Variants in EIF3H observed in about 807,000 individuals in gnomAD.
EIF3H encodes eIF-3-gamma.
EIF3H carries 26 observed loss-of-function variants against 44.2 expected under a neutral mutation model. The ratio of observed to expected loss-of-function variants is 0.59; its 90% CI spans 0.43 to 0.82. The LOEUF is 0.82. Among genes scored for constraint, EIF3H ranks in the 40% least tolerant of loss-of-function variants. The pLI is 0.00. For synonymous variants in EIF3H, 166 were observed against 151.9 expected, an observed-to-expected ratio of 1.09 and a Z score of -0.68; for missense variants, 359 against 432.8, an observed-to-expected ratio of 0.83 and a Z score of 1.51.
chr8:116,728,173 G>T (rs1814884435), intron 1 of EIF3H, among the ~76,000 whole-genome samples: 1 of 152,146 alleles, frequency 6.6e-6, no homozygotes, highest in South Asian at 2.1e-4. Flanking sequence ...CTAATGACCA[G>T]TTAATAACAG....
intron 2 of EIF3H, among the ~76,000 whole-genome samples, chr8:116,669,388 C>T (rs1040500074): frequency 6.6e-6 from 1 of 152,188 alleles, no homozygotes. Context: ...CTTCCTGCCC[C>T]TATCCCCAAC....
In EIF3H at chr8:116,741,174, A is replaced by C. The variant is rs916244562; in HGVS notation, c.132+14492T>G. Among the ~76,000 whole-genome samples, 11 of 152,268 alleles carry C rather than the reference A, an allele frequency of 7.2e-5. No individual in the cohort carries two copies. The East Asian group carries it at 2.1e-3, about 29-fold the overall frequency. ...ATCTATCCATCTGTCCATCCAAGGA[A>C]TATTTAGTGACTAAAATATGCCTAG... On this transcript the variant is annotated intron_variant, in intron 1 of 7. Coordinates refer to ENST00000521861, the MANE Select transcript of EIF3H (RefSeq NM_003756.3).
At chr8:116,693,445 T>C (rs935040659) in intron 2 of EIF3H, among the ~76,000 whole-genome samples, 22 of 152,188 alleles carry the variant, frequency 1.4e-4, no homozygotes, top group African/African-American at 3.1e-4. Context: ...CACTGCTGCA[T>C]TGATAAGTAG....
intron 1 of EIF3H, among the ~76,000 whole-genome samples, chr8:116,751,073 G>A (rs1440857477): frequency 1.3e-5 from 2 of 151,620 alleles, no homozygotes; most frequent in South Asian, 2.1e-4. Context: ...TTAGCCGGGC[G>A]TAGTGGCAGG....
chr8:116,719,159 G>A (rs1197665139), intron 2 of EIF3H, among the ~76,000 whole-genome samples: 1 of 152,146 alleles, frequency 6.6e-6, no homozygotes, highest in Non-Finnish European at 1.5e-5. Context: ...TGAGGACAAC[G>A]GATTGAGAAA....
intron 1 of EIF3H, among the ~76,000 whole-genome samples, chr8:116,736,073 T>C (rs184690062): frequency 1.9e-3 from 296 of 152,280 alleles, no homozygotes; most frequent in Admixed American, 3.8e-3. Context: ...AAAATACCAA[T>C]AGACAAAACA....
intron 1 of EIF3H, among the ~76,000 whole-genome samples, chr8:116,764,974 A>G (rs1022642312): frequency 1.3e-5 from 2 of 152,208 alleles, no homozygotes; most frequent in African/African-American, 4.8e-5. Context: ...AAAAACTAAG[A>G]TAAGACTAAA....
intron 1 of EIF3H, among the ~76,000 whole-genome samples, chr8:116,727,053 G>T (rs1814855360): frequency 6.6e-6 from 1 of 152,082 alleles, no homozygotes; most frequent in Non-Finnish European, 1.5e-5. Context: ...ATTCTAACAA[G>T]AAAATGACAA....
intron 2 of EIF3H, 120 bp from the exon 3 acceptor site, chr8:116,659,100 G>T: frequency 1.2e-6 from 1 of 800,618 alleles, no homozygotes; most frequent in Non-Finnish European, 1.9e-6. Flanking sequence ...TAGGGAACAG[G>T]ATTCCAGATT....
intron 1 of EIF3H, among the ~76,000 whole-genome samples, chr8:116,752,728 GAAAGAA>G: frequency 8.7e-6 from 1 of 115,468 alleles, no homozygotes; most frequent in Non-Finnish European, 1.7e-5. Context: ...AAGAAAGAAA[GAAAGAA>G]GAGAAAGAAA....
chr8:116,715,381 T>C (rs1019247150), intron 2 of EIF3H, among the ~76,000 whole-genome samples: 12 of 152,086 alleles, frequency 7.9e-5, no homozygotes, highest in African/African-American at 2.4e-5. Flanking sequence ...TATTTATCAC[T>C]ACATTGTGAA....
At chr8:116,701,575 C>A in intron 2 of EIF3H, among the ~76,000 whole-genome samples, 1 of 152,054 alleles carries the variant, frequency 6.6e-6, no homozygotes, top group Admixed American at 6.6e-5. Flanking sequence ...AACTAAGTAA[C>A]CAAGGTTAAC....
intron 1 of EIF3H, among the ~76,000 whole-genome samples, chr8:116,727,750 T>A (rs1401533354): frequency 5.3e-5 from 8 of 152,240 alleles, no homozygotes. Context: ...ACATTATTTT[T>A]TAGTAGAATT....
intron 2 of EIF3H, among the ~76,000 whole-genome samples, chr8:116,674,322 G>C (rs1400180106): frequency 1.6e-5 from 2 of 122,520 alleles, no homozygotes; most frequent in African/African-American, 4.4e-5. Flanking sequence ...GGGTGGAGGT[G>C]GGGGGGGGTG....
intron 2 of EIF3H, among the ~76,000 whole-genome samples, chr8:116,680,859 AAGTT>A (rs1465415566): frequency 4.0e-5 from 6 of 151,506 alleles, no homozygotes; most frequent in African/African-American, 1.2e-4. Context: ...AAAAAAAAGA[AAGTT>A]AGCAAAATGT....
At chr8:116,713,065 T>A (rs1257537972) in intron 2 of EIF3H, among the ~76,000 whole-genome samples, 1 of 152,148 alleles carries the variant, frequency 6.6e-6, no homozygotes, top group Non-Finnish European at 1.5e-5. Context: ...ACCTTAAAGT[T>A]TAGTAAGAAA....
At chr8:116,657,373 G>T in intron 3 of EIF3H, 59 bp from the exon 4 acceptor site, 2 of 1,301,406 alleles carry the variant, frequency 1.5e-6, no homozygotes, top group Non-Finnish European at 1.1e-6. Flanking sequence ...GGCTTGAATG[G>T]CATTGGTTCT....
intron 1 of EIF3H, among the ~76,000 whole-genome samples, chr8:116,745,876 G>A (rs192015970): frequency 7.9e-5 from 12 of 151,836 alleles, no homozygotes; most frequent in East Asian, 1.9e-4. Context: ...AGCCAAGATC[G>A]GGCCACTGCA....
At chr8:116,702,134 T>C (rs888202486) in intron 2 of EIF3H, among the ~76,000 whole-genome samples, 2 of 152,204 alleles carry the variant, frequency 1.3e-5, no homozygotes, top group Non-Finnish European at 2.9e-5. Context: ...TGTCTCAACT[T>C]ACTCTTGAAA....
Sources: allele counts gnomAD v4.1 joint callset (sites outside exome capture counted in the v4.1 genomes callset), GRCh38; gene constraint gnomAD v4.1.1; transcripts MANE v1.5; gene names NCBI Gene and HGNC (gene_info 2026-07-23, HGNC 2026-07-21).